Variants in WWC1 observed in about 807,000 individuals in gnomAD.
WWC1 encodes WW and C2 domain containing 1.
A neutral mutation model predicts 138.4 loss-of-function variants in WWC1; 55 were observed. That is an observed-to-expected ratio of 0.40 (90% CI 0.32 to 0.50). WWC1 has a LOEUF of 0.50. WWC1 is among the 20% of genes least tolerant of loss of function. The probability of loss-of-function intolerance (pLI) is 0.72; values close to 1 mark genes in which losing one functional copy is unlikely to be tolerated. For missense variants in WWC1, 1,226 were observed against 1,420.4 expected, an observed-to-expected ratio of 0.86 and a Z score of 2.20; for synonymous variants, 524 against 564.9, an observed-to-expected ratio of 0.93 and a Z score of 1.03.
chr5:168,428,049 G>A lies in WWC1; in HGVS notation c.1827G>A (p.Gln609=), dbSNP rs925864161. The change falls in exon 12 of 23, where the codon CAG becomes CAA. Residue 609 remains glutamine (Q), a synonymous_variant. Coordinates refer to ENST00000265293, the MANE Select transcript of WWC1 (RefSeq NM_015238.3). ...KQLGQAVNTA[Q]GCGLKVACVS... The stretch of plus-strand genomic sequence containing the variant: ...CTTCCCTAGCTGTGAATACGGCCCA[G>A]GGGTGTGGCCTGAAAGTGGCCTGTG... 4 of 1,613,542 alleles carry A rather than the reference G, an allele frequency of 2.5e-6. No homozygotes were observed. The highest frequency in any genetic ancestry group is 3.4e-6 in the Non-Finnish European group (4 of 1,179,704).
At chr5:168,381,342 A>G (rs1437356941) in intron 2 of WWC1, among the ~76,000 whole-genome samples, 2 of 152,122 alleles carry the variant, frequency 1.3e-5, no homozygotes, top group Non-Finnish European at 2.9e-5. Context: ...GGGAGGGTCC[A>G]CCTAGGTGTC....
intron 16 of WWC1, 47 bp downstream of exon 16, chr5:168,441,881 A>C: frequency 6.3e-7 from 1 of 1,587,866 alleles, no homozygotes; most frequent in African/African-American, 1.3e-5. Context: ...CCGCACCCGG[A>C]TGTTGGAAGG....
rs1229840618 is a variant in WWC1 at position 168,469,622 on chromosome 5, T to C, written c.*605T>C. The C allele has an allele frequency of 6.5e-6, 1 of 152,992 alleles. No homozygotes were observed. The highest frequency in any genetic ancestry group is 1.5e-5 in the Non-Finnish European group (1 of 68,584). 9.5% of individuals were successfully genotyped at this position (152,992 alleles called of 1,614,324 possible). On this transcript the variant is annotated 3_prime_UTR_variant, in exon 23 of 23. Coordinates refer to ENST00000265293, the MANE Select transcript of WWC1 (RefSeq NM_015238.3). ...GGGCAGTGTGATAGGCTGGGTGGGCTAAGCAGCCTAGTCTATGTGGGTGAC... is the reference window on the plus strand; with the variant it reads ...GGGCAGTGTGATAGGCTGGGTGGGCCAAGCAGCCTAGTCTATGTGGGTGAC...
At position 168,292,155 on chromosome 5, in the gene WWC1, GC is replaced by G; in HGVS notation, c.7del (p.Arg3GlyfsTer23). On this transcript the variant is annotated frameshift_variant, in exon 1 of 23. Coordinates refer to ENST00000265293, the MANE Select transcript of WWC1 (RefSeq NM_015238.3). LOFTEE classifies it high-confidence loss of function. The surrounding 1 kb of genome is among the most constrained non-coding windows in gnomAD (Gnocchi z 4.4). M[P>X]RPELPLPEGW... ...GAGCGCCGGCAGCGCTTGGGAAGATGCCCCGGCCGGAGCTGCCCCTGCCGGA... is the reference window on the plus strand; with the variant it reads ...GAGCGCCGGCAGCGCTTGGGAAGATGCCCGGCCGGAGCTGCCCCTGCCGGA... 6.5e-7 allele frequency: 1 copy of G among 1,539,678 alleles called. No homozygotes were observed.
chr5:168,407,764 C>T (rs1034901434), intron 6 of WWC1, among the ~76,000 whole-genome samples: 4 of 152,152 alleles, frequency 2.6e-5, no homozygotes, highest in African/African-American at 9.7e-5. Flanking sequence ...TCTGGTAAAG[C>T]TGACAGTTAC....
chr5:168,428,298 G>A (rs944755640), intron 12 of WWC1, among the ~76,000 whole-genome samples, 157 bp downstream of exon 12: 2 of 152,210 alleles, frequency 1.3e-5, no homozygotes, highest in Non-Finnish European at 2.9e-5. Flanking sequence ...GGCTGCCCAA[G>A]GCACAGACAG....
chr5:168,309,742 C>T (rs938379967), intron 1 of WWC1, among the ~76,000 whole-genome samples: 5 of 151,938 alleles, frequency 3.3e-5, no homozygotes, highest in Admixed American at 6.6e-5. Flanking sequence ...ACATAGAGAC[C>T]TCTCCCTCTG....
chr5:168,444,435 T>C, intron 16 of WWC1, 59 bp from the exon 17 acceptor site: 2 of 1,499,830 alleles, frequency 1.3e-6, no homozygotes, highest in Non-Finnish European at 1.8e-6. Flanking sequence ...CTCTGATTCC[T>C]GGCAGGTAGG....
At chr5:168,434,667 CAG>C (rs1782218564) in intron 15 of WWC1, among the ~76,000 whole-genome samples, 1 of 152,216 alleles carries the variant, frequency 6.6e-6, no homozygotes, top group Non-Finnish European at 1.5e-5. Context: ...TGCTACTTCT[CAG>C]GGGGTTACTA....
chr5:168,362,985 T>C (rs1014362176), intron 1 of WWC1, among the ~76,000 whole-genome samples: 5 of 152,052 alleles, frequency 3.3e-5, no homozygotes, highest in African/African-American at 1.2e-4. Context: ...TGGGAATAAC[T>C]AGGCCAAGAA....
intron 1 of WWC1, among the ~76,000 whole-genome samples, chr5:168,334,507 G>A (rs1474882499): frequency 2.6e-5 from 4 of 152,004 alleles, no homozygotes; most frequent in African/African-American, 9.7e-5. Context: ...CACTCACTTG[G>A]GAAGCCTTCT....
chr5:168,409,597 C>T (rs1275652876), intron 7 of WWC1, among the ~76,000 whole-genome samples: 4 of 152,156 alleles, frequency 2.6e-5, no homozygotes, highest in Non-Finnish European at 2.9e-5. Flanking sequence ...TCCCTGTTTC[C>T]TCCTCACCAA....
rs1201951037 is a variant in WWC1, at chr5:168,431,289, A to G, written c.2125A>G (p.Thr709Ala). The change falls in exon 15 of 23, where the codon ACA becomes GCA. Residue 709 changes from threonine to alanine, a missense_variant. Physicochemically the swap from Thr to Ala is moderately conservative, Grantham distance 58 (BLOSUM62 0). Coordinates refer to ENST00000265293, the MANE Select transcript of WWC1 (RefSeq NM_015238.3). ...GGCTGTCCTTCCTTGCTCTGAAAGC[A>G]CAACCTGCCTGTTCCGGACCCGGCC... ...RVAVLPCSES[T>A]TCLFRTRPLD... 1 of 1,613,872 alleles carries G rather than the reference A, an allele frequency of 6.2e-7. No individual in the cohort carries two copies. Among genetic ancestry groups the G allele is most frequent in the Admixed American group, 1.7e-5 (1 of 59,952 alleles).
chr5:168,428,045 C>G lies in WWC1; in HGVS notation c.1823C>G (p.Ala608Gly). 3 of 1,613,590 alleles carry G rather than the reference C, an allele frequency of 1.9e-6. No individual in the cohort carries two copies. The African/African-American group carries it at 4.0e-5, about 22-fold the overall frequency. ...TTTCCTTCCCTAGCTGTGAATACGGCCCAGGGGTGTGGCCTGAAAGTGGCC... is the reference window on the plus strand; with the variant it reads ...TTTCCTTCCCTAGCTGTGAATACGGGCCAGGGGTGTGGCCTGAAAGTGGCC... ...GKQLGQAVNT[A>G]QGCGLKVACV... Residue 608 changes from alanine (A) to glycine (G), a missense_variant, in exon 12 of 23, where the codon GCC becomes GGC. Ala to Gly is a moderately conservative substitution (Grantham distance 60). Around this residue, in one of 3 missense-constraint regions of WWC1, gnomAD observed 1,016 missense variants for 1,153.9 expected, o/e 0.88. Transcript: ENST00000265293.
intron 1 of WWC1, among the ~76,000 whole-genome samples, chr5:168,330,266 AC>A (rs1772919563): frequency 6.6e-6 from 1 of 152,220 alleles, no homozygotes; most frequent in South Asian, 2.1e-4. Context: ...CTTGGGACCC[AC>A]ACTGTCTAGG....
At chr5:168,455,965 G>A (rs945308505) in intron 19 of WWC1, among the ~76,000 whole-genome samples, 6 of 152,140 alleles carry the variant, frequency 3.9e-5, no homozygotes, top group Admixed American at 3.9e-4. Flanking sequence ...CTACCAGTTT[G>A]TATTATTTTT....
intron 21 of WWC1, among the ~76,000 whole-genome samples, chr5:168,466,385 C>T (rs950706755): frequency 6.6e-6 from 1 of 152,108 alleles, no homozygotes; most frequent in Non-Finnish European, 1.5e-5. Context: ...GTGATCGCCA[C>T]CCACGGCAAA....
At chr5:168,446,818 G>GA (rs1755317941) in intron 17 of WWC1, among the ~76,000 whole-genome samples, 1 of 152,186 alleles carries the variant, frequency 6.6e-6, no homozygotes. Flanking sequence ...TCATTGTTAG[G>GA]AAAAAGAGAA....
chr5:168,309,022 A>T (rs1432127241), intron 1 of WWC1, among the ~76,000 whole-genome samples: 1 of 151,928 alleles, frequency 6.6e-6, no homozygotes, highest in Non-Finnish European at 1.5e-5. Context: ...CAGCACCTCC[A>T]TCCCTCCTTC....
Sources: allele counts gnomAD v4.1 joint callset (sites outside exome capture counted in the v4.1 genomes callset), GRCh38; gene constraint gnomAD v4.1.1; regional missense constraint gnomAD v4.1.1; non-coding constraint Gnocchi (gnomAD v3.1); transcripts MANE v1.5; gene names NCBI Gene and HGNC (gene_info 2026-07-23, HGNC 2026-07-21).